Variants in CHIC1 observed in about 807,000 individuals in gnomAD.
CHIC1 encodes the protein cysteine rich hydrophobic domain 1, also known as cysteine-rich hydrophobic domain-containing protein 1.
Under a neutral mutation model 18.5 loss-of-function variants are expected in CHIC1, and 7 were observed. That is an observed-to-expected ratio of 0.38 (90% CI 0.22 to 0.71). The LOEUF (loss-of-function observed/expected upper bound fraction) is 0.71. Ranked by LOEUF, CHIC1 falls within the 30% of genes least tolerant of loss-of-function variation. The probability of loss-of-function intolerance (pLI) is 0.49; values close to 1 mark genes in which losing one functional copy is unlikely to be tolerated. For synonymous variants in CHIC1, 77 were observed against 73.5 expected (o/e 1.05, Z -0.25); for missense variants, 159 against 176.9 (o/e 0.90, Z 0.57).
chrX:73,651,577 C>T (rs1195332023), intron 3 of CHIC1, among the ~76,000 whole-genome samples: 15 of 110,742 alleles, frequency 1.4e-4, no homozygotes, highest in African/African-American at 4.9e-4. Context: ...CATTCCTATA[C>T]ATCAACAATA....
At chrX:73,631,100 C>G (rs1339632106) in intron 3 of CHIC1, among the ~76,000 whole-genome samples, 2 of 111,437 alleles carry the variant, frequency 1.8e-5, no homozygotes, top group African/African-American at 3.3e-5. Flanking sequence ...AATGGCTCTT[C>G]TTTCATTTAT....
chrX:73,669,347 A>C (rs768789319), intron 3 of CHIC1, among the ~76,000 whole-genome samples: 1 of 111,769 alleles, frequency 8.9e-6, no homozygotes, highest in Non-Finnish European at 1.9e-5. Flanking sequence ...GCCCTGCTTA[A>C]AGAAGCAGTC....
intron 3 of CHIC1, among the ~76,000 whole-genome samples, chrX:73,605,677 A>G (rs1393569942): frequency 1.8e-5 from 2 of 108,534 alleles, no homozygotes; most frequent in African/African-American, 7.2e-5. Context: ...AGCTCTTGTA[A>G]GGCAGGCCTG....
rs764553489 is a variant in CHIC1, at chrX:73,633,882, G to T, written c.508-45444G>T. 4.6e-5 allele frequency among the ~76,000 whole-genome samples: 5 copies of T among 109,721 alleles called. No individual in the cohort carries two copies. The South Asian group carries it at 1.2e-3, about 26-fold the overall frequency. On this transcript the variant is annotated intron_variant, in intron 3 of 5. Coordinates refer to ENST00000373502, the MANE Select transcript of CHIC1 (RefSeq NM_001039840.4). ...TGATTTTCAGCTCCAGGATTTCTGG[G>T]TTTTTTTAATAGATTTTTTACTGCT... is the stretch of plus-strand genomic sequence containing the variant.
At chrX:73,637,338 G>A (rs2057836166) in intron 3 of CHIC1, among the ~76,000 whole-genome samples, 1 of 106,575 alleles carries the variant, frequency 9.4e-6, no homozygotes, top group Non-Finnish European at 1.9e-5. Flanking sequence ...AGTTGGAGTA[G>A]GTCTTGGTGT....
chrX:73,572,163 C>A (rs960640254), intron 1 of CHIC1, among the ~76,000 whole-genome samples: 1 of 111,041 alleles, frequency 9.0e-6, no homozygotes, highest in Admixed American at 9.6e-5. Flanking sequence ...TCTTTATGTT[C>A]ATGTGTACTT....
At chrX:73,629,253 A>T (rs935880020) in intron 3 of CHIC1, among the ~76,000 whole-genome samples, 3 of 110,707 alleles carry the variant, frequency 2.7e-5, no homozygotes, top group African/African-American at 9.9e-5. Flanking sequence ...CTCACATTCC[A>T]TAGATTGCCT....
At chrX:73,651,590 C>T (rs1204703818) in intron 3 of CHIC1, among the ~76,000 whole-genome samples, 1 of 110,616 alleles carries the variant, frequency 9.0e-6, no homozygotes, top group Admixed American at 9.7e-5. Context: ...CAACAATAGA[C>T]AAGCAGAAAG....
At chrX:73,641,498 T>C (rs941391300) in intron 3 of CHIC1, among the ~76,000 whole-genome samples, 6 of 111,223 alleles carry the variant, frequency 5.4e-5, no homozygotes, top group Admixed American at 3.8e-4. Flanking sequence ...CTCTCTACTT[T>C]TATGAGATCA....
intron 1 of CHIC1, among the ~76,000 whole-genome samples, chrX:73,572,043 A>G (rs1389267330): frequency 2.7e-5 from 3 of 110,663 alleles, no homozygotes; most frequent in Non-Finnish European, 5.7e-5. Context: ...TTGGGGTACA[A>G]TTGAACCCAT....
intron 1 of CHIC1, among the ~76,000 whole-genome samples, chrX:73,564,630 T>C (rs2057435797): frequency 9.0e-6 from 1 of 110,887 alleles, no homozygotes; most frequent in African/African-American, 3.3e-5. Context: ...TGCTATCTTT[T>C]ACTGCATTTT....
intron 3 of CHIC1, among the ~76,000 whole-genome samples, chrX:73,588,899 C>T: frequency 9.1e-6 from 1 of 109,769 alleles, no homozygotes; most frequent in East Asian, 2.9e-4. Context: ...TATGTAATGT[C>T]CCTATTTTCA....
At chrX:73,587,618 T>C (rs1466842363) in intron 3 of CHIC1, among the ~76,000 whole-genome samples, 2 of 111,455 alleles carry the variant, frequency 1.8e-5, no homozygotes, top group Admixed American at 1.9e-4. Context: ...TGTAGCTAAT[T>C]ATAAAAAGAA....
chrX:73,676,244 C>T (rs1182258972), intron 3 of CHIC1, among the ~76,000 whole-genome samples: 2 of 111,165 alleles, frequency 1.8e-5, no homozygotes, highest in African/African-American at 3.3e-5. Context: ...ATCTTTGTGG[C>T]ATTCTCTGTA....
At chrX:73,654,343 A>C (rs1457063817) in intron 3 of CHIC1, among the ~76,000 whole-genome samples, 3 of 111,661 alleles carry the variant, frequency 2.7e-5, no homozygotes, top group Non-Finnish European at 5.7e-5. Context: ...ACATTTACTG[A>C]TTGTGTATGT....
intron 3 of CHIC1, among the ~76,000 whole-genome samples, chrX:73,606,785 G>T (rs955158742): frequency 8.3e-5 from 9 of 109,036 alleles, no homozygotes; most frequent in Non-Finnish European, 1.5e-4. Flanking sequence ...TTCAGACCCT[G>T]TTTGCTTTGG....
chrX:73,645,213 G>A (rs1474228636), intron 3 of CHIC1, among the ~76,000 whole-genome samples: 2 of 111,947 alleles, frequency 1.8e-5, no homozygotes, highest in Admixed American at 9.4e-5. Flanking sequence ...TGTCTTTCAG[G>A]CTATCTATGT....
At chrX:73,676,175 CG>C (rs1183863115) in intron 3 of CHIC1, among the ~76,000 whole-genome samples, 2 of 111,698 alleles carry the variant, frequency 1.8e-5, no homozygotes, top group East Asian at 2.8e-4. Flanking sequence ...TTTTTTCCTT[CG>C]TTTCAACTTT....
intron 3 of CHIC1, among the ~76,000 whole-genome samples, chrX:73,677,395 C>T (rs753242821): frequency 8.9e-6 from 1 of 112,042 alleles, no homozygotes; most frequent in Non-Finnish European, 1.9e-5. Context: ...TTCAAGCTTC[C>T]CGGCTGCTTT....
Sources: allele counts gnomAD v4.1 joint callset (sites outside exome capture counted in the v4.1 genomes callset), GRCh38; gene constraint gnomAD v4.1.1; transcripts MANE v1.5; gene names NCBI Gene and HGNC (gene_info 2026-07-23, HGNC 2026-07-21).